Variants in NOL4 observed in about 807,000 individuals in gnomAD.
The protein encoded by NOL4 is cancer/testis antigen 125.
In NOL4, 17 loss-of-function variants were observed where a neutral mutation model predicts 75.9. That is an observed-to-expected ratio of 0.22 (90% confidence interval 0.15 to 0.34). The LOEUF is 0.34. Among genes scored for constraint, NOL4 ranks in the 10% least tolerant of loss-of-function variants. The pLI, the probability that NOL4 is intolerant of heterozygous loss-of-function variation, is 1.00. For missense variants in NOL4, 614 were observed against 793.5 expected, an observed-to-expected ratio of 0.77 and a Z score of 2.72; for synonymous variants, 292 against 289.9, an observed-to-expected ratio of 1.01 and a Z score of -0.07.
At chr18:33,910,952 C>A (rs572443771) in intron 9 of NOL4, among the ~76,000 whole-genome samples, 53 of 152,224 alleles carry the variant, frequency 3.5e-4, no homozygotes, top group Non-Finnish European at 5.4e-4. Context: ...AGACTGTTCT[C>A]CAGGCCTGCC....
chr18:34,132,785 A>G (rs1478055776), intron 1 of NOL4, among the ~76,000 whole-genome samples: 1 of 151,832 alleles, frequency 6.6e-6, no homozygotes, highest in Non-Finnish European at 1.5e-5. Flanking sequence ...AATTAAAACC[A>G]AAGGCAAAGA....
intron 5 of NOL4, among the ~76,000 whole-genome samples, chr18:34,076,099 T>C (rs2077731984): frequency 1.3e-5 from 2 of 152,154 alleles, no homozygotes; most frequent in Non-Finnish European, 2.9e-5. Flanking sequence ...GGACAGTCAA[T>C]AGCATAGAGT....
At chr18:34,052,619 C>A (rs9950524) in intron 5 of NOL4, among the ~76,000 whole-genome samples, 2,022 of 152,000 alleles carry the variant, frequency 0.013, 49 homozygotes, top group African/African-American at 0.047. Context: ...CAATCATGTG[C>A]AATGTATTAG....
At chr18:34,159,302 C>G (rs1408351998) in intron 1 of NOL4, among the ~76,000 whole-genome samples, 2 of 152,198 alleles carry the variant, frequency 1.3e-5, no homozygotes, top group African/African-American at 2.4e-5. Context: ...ACAGTTGCCG[C>G]GGCAACGGCC....
intron 1 of NOL4, among the ~76,000 whole-genome samples, chr18:34,132,763 C>T (rs1236503382): frequency 6.9e-6 from 1 of 145,636 alleles, no homozygotes; most frequent in Non-Finnish European, 1.5e-5. Context: ...TAAATAGACA[C>T]AGTACAGTAG....
At chr18:34,158,730 G>C (rs2030903155) in intron 1 of NOL4, 1 of 152,134 alleles carries the variant, frequency 6.6e-6, no homozygotes, top group African/African-American at 2.4e-5. Flanking sequence ...CATATCTGCT[G>C]TAATACAAGA....
At chr18:34,039,757 T>C (rs780582985) in intron 5 of NOL4, among the ~76,000 whole-genome samples, 6 of 152,022 alleles carry the variant, frequency 3.9e-5, no homozygotes, top group Non-Finnish European at 8.8e-5. Flanking sequence ...GAAAAACATA[T>C]ACAGACGGTT....
intron 5 of NOL4, among the ~76,000 whole-genome samples, chr18:34,053,802 T>C (rs1436090452): frequency 6.6e-6 from 1 of 151,996 alleles, no homozygotes; most frequent in African/African-American, 2.4e-5. Flanking sequence ...TTTTGAATTA[T>C]AAAATATTCA....
intron 2 of NOL4, among the ~76,000 whole-genome samples, chr18:34,111,671 CA>C (rs1318989547): frequency 1.3e-5 from 2 of 151,982 alleles, no homozygotes; most frequent in African/African-American, 4.8e-5. Context: ...AAGACATAGG[CA>C]AAAGACATGA....
chr18:33,946,448 A>T (rs965991559), intron 8 of NOL4, among the ~76,000 whole-genome samples: 4 of 151,786 alleles, frequency 2.6e-5, no homozygotes, highest in Non-Finnish European at 4.4e-5. Context: ...CTGAGAGATT[A>T]TGCAACTTGC....
intron 1 of NOL4, among the ~76,000 whole-genome samples, chr18:34,203,713 T>A (rs1160521656): frequency 6.7e-3 from 419 of 62,650 alleles, no homozygotes; most frequent in African/African-American, 0.017. Context: ...TCTCTCTCTC[T>A]CTCTCACACA....
intron 5 of NOL4, among the ~76,000 whole-genome samples, chr18:34,046,809 A>G (rs2076401565): frequency 6.6e-6 from 1 of 151,370 alleles, no homozygotes; most frequent in Non-Finnish European, 1.5e-5. Context: ...GCTATCCAAA[A>G]TCTATGAAGG....
chr18:34,132,750 A>C (rs1350424083), intron 1 of NOL4, among the ~76,000 whole-genome samples: 1 of 151,874 alleles, frequency 6.6e-6, no homozygotes, highest in Non-Finnish European at 1.5e-5. Flanking sequence ...AAAAAAAAAA[A>C]AGTAAATAGA....
chr18:34,186,829 T>TA (rs1359504119), intron 1 of NOL4, among the ~76,000 whole-genome samples: 1 of 152,080 alleles, frequency 6.6e-6, no homozygotes, highest in African/African-American at 2.4e-5. Flanking sequence ...GAAGCTTTTT[T>TA]AAAAAAACAA....
chr18:33,883,616 G>T (rs1441062507), intron 9 of NOL4, among the ~76,000 whole-genome samples, 192 bp from the exon 10 acceptor site: 2 of 152,100 alleles, frequency 1.3e-5, no homozygotes, highest in African/African-American at 4.8e-5. Flanking sequence ...ATAACAATGT[G>T]GGCAGATTGG....
At chr18:33,956,343 A>G (rs1235765901) in intron 8 of NOL4, among the ~76,000 whole-genome samples, 1 of 152,192 alleles carries the variant, frequency 6.6e-6, no homozygotes. Flanking sequence ...TTTATCTTTC[A>G]TAAAGCATGG....
chr18:34,214,973 A>C (rs1600901398), intron 1 of NOL4, among the ~76,000 whole-genome samples: 1 of 152,210 alleles, frequency 6.6e-6, no homozygotes, highest in East Asian at 1.9e-4. Flanking sequence ...CAATTCATAT[A>C]ATCAGAAACT....
At chr18:34,194,676 A>G (rs1214171051) in intron 1 of NOL4, among the ~76,000 whole-genome samples, 1 of 152,148 alleles carries the variant, frequency 6.6e-6, no homozygotes, top group Non-Finnish European at 1.5e-5. Flanking sequence ...TGTCATCCTC[A>G]GTAGTTTTTG....
chr18:34,004,588 T>C (rs1465066795), intron 6 of NOL4, among the ~76,000 whole-genome samples: 3 of 152,100 alleles, frequency 2.0e-5, no homozygotes, highest in Admixed American at 6.6e-5. Context: ...CAAACCTATG[T>C]TGATGATTAT....
Sources: allele counts gnomAD v4.1 joint callset (sites outside exome capture counted in the v4.1 genomes callset), GRCh38; gene constraint gnomAD v4.1.1; transcripts MANE v1.5; gene names NCBI Gene and HGNC (gene_info 2026-07-23, HGNC 2026-07-21).